TGFBR3: variants seen among roughly 807,000 people sequenced by gnomAD.
TGFBR3 encodes transforming growth factor beta receptor type 3.
TGFBR3 carries 46 observed loss-of-function variants against 87.9 expected under a neutral mutation model. That is an observed-to-expected ratio of 0.52 (90% CI 0.41 to 0.67). The LOEUF is 0.67. Among genes scored for constraint, TGFBR3 ranks in the 30% least tolerant of loss-of-function variants. The probability of loss-of-function intolerance (pLI) is 0.00; values close to 1 mark genes in which losing one functional copy is unlikely to be tolerated. For synonymous variants in TGFBR3, 381 were observed against 391.6 expected, an observed-to-expected ratio of 0.97 and a Z score of 0.32; for missense variants, 866 against 1,041.9, an observed-to-expected ratio of 0.83 and a Z score of 2.32.
chr1:91,769,604 A>T (rs1407472843), intron 3 of TGFBR3, among the ~76,000 whole-genome samples: 3 of 151,876 alleles, frequency 2.0e-5, no homozygotes, highest in Non-Finnish European at 4.4e-5. Context: ...GCCCCACATG[A>T]TTGGAGAGAA....
Position 91,683,784 on chromosome 1 carries a change from G to C in TGFBR3, c.2511C>G (p.Ile837Met). The C allele has an allele frequency of 1.2e-6, 2 of 1,605,640 alleles. No homozygotes were observed. Among genetic ancestry groups the C allele is most frequent in the Non-Finnish European group, 1.7e-6 (2 of 1,177,200 alleles). ...ASENSSAAHSIGSTQSTPCSS... is the reference protein window; with the variant it reads ...ASENSSAAHSMGSTQSTPCSS... ...AGCAAGGCGTGCTCTGCGTGCTGCC[G>C]ATGCTGTGGGCAGCACTGCTGTTTT... The change falls in exon 17 of 17, where the codon ATC becomes ATG. Residue 837 changes from isoleucine (I) to methionine (M), a missense_variant. By Grantham distance (10) the Ile-to-Met change is conservative. Coordinates refer to ENST00000212355, the MANE Select transcript of TGFBR3 (RefSeq NM_003243.5).
intron 3 of TGFBR3, 118 bp from the exon 4 acceptor site, chr1:91,758,868 G>A (rs1357622017): frequency 2.4e-6 from 3 of 1,242,386 alleles, no homozygotes; most frequent in Non-Finnish European, 3.5e-6. Flanking sequence ...AAGCTATAAT[G>A]TAGCTCAGAT....
chr1:91,741,426 C>T (rs569775780), intron 4 of TGFBR3, among the ~76,000 whole-genome samples: 14 of 152,316 alleles, frequency 9.2e-5, no homozygotes, highest in African/African-American at 3.1e-4. Flanking sequence ...CACCAACCAG[C>T]AGCTCTCCAA....
chr1:91,754,116 A>G (rs1673653753), intron 4 of TGFBR3, among the ~76,000 whole-genome samples: 1 of 152,156 alleles, frequency 6.6e-6, no homozygotes. Flanking sequence ...GATATTGAGC[A>G]TCTTTTCATG....
intron 3 of TGFBR3, chr1:91,783,309 T>C (rs1235631705): frequency 6.6e-6 from 1 of 152,212 alleles, no homozygotes; most frequent in African/African-American, 2.4e-5. Flanking sequence ...CAAAGCATTA[T>C]TGTAGGGTGC....
intron 2 of TGFBR3, among the ~76,000 whole-genome samples, chr1:91,818,258 C>T (rs995518097): frequency 8.1e-6 from 1 of 123,484 alleles, no homozygotes; most frequent in African/African-American, 3.1e-5. Flanking sequence ...GCAACTGCAC[C>T]ATTTCCCCTT....
intron 4 of TGFBR3, among the ~76,000 whole-genome samples, chr1:91,737,057 G>T (rs968750522): frequency 6.6e-6 from 1 of 152,212 alleles, no homozygotes; most frequent in Non-Finnish European, 1.5e-5. Context: ...TGGTGATGGG[G>T]CTGATTCGTG....
chr1:91,705,398 G>T lies in TGFBR3; in HGVS notation c.2287+3265C>A, dbSNP rs1671767459. Among the ~76,000 whole-genome samples, 2 of 150,868 alleles carry T rather than the reference G, an allele frequency of 1.3e-5. 1 individual carries two copies. The highest frequency in any genetic ancestry group is 4.2e-4 in the South Asian group (2 of 4,770). The stretch of plus-strand genomic sequence containing the variant: ...GCCATGACGCCTGGCTAATTTTTTT[G>T]GTTTTTTTTTTAGGTAGAGACAGGG... On this transcript the variant is annotated intron_variant, in intron 14 of 16. Coordinates refer to ENST00000212355, the MANE Select transcript of TGFBR3 (RefSeq NM_003243.5).
intron 2 of TGFBR3, among the ~76,000 whole-genome samples, chr1:91,800,670 C>T (rs936780317): frequency 6.6e-6 from 1 of 151,070 alleles, no homozygotes; most frequent in Non-Finnish European, 1.5e-5. Flanking sequence ...AAAGCTACAA[C>T]ATATGATTAA....
chr1:91,832,107 A>G (rs985318041), intron 2 of TGFBR3, among the ~76,000 whole-genome samples: 29 of 152,280 alleles, frequency 1.9e-4, no homozygotes, highest in Middle Eastern at 3.4e-3. Context: ...TTAAAATTCC[A>G]CGTAAAGGTA....
intron 16 of TGFBR3, among the ~76,000 whole-genome samples, chr1:91,692,453 T>A (rs934353584): frequency 1.3e-5 from 2 of 152,172 alleles, no homozygotes; most frequent in Admixed American, 1.3e-4. Flanking sequence ...TGTACTACTT[T>A]GATGAAGCTA....
intron 13 of TGFBR3, among the ~76,000 whole-genome samples, chr1:91,709,562 G>A (rs1671910274): frequency 6.6e-6 from 1 of 152,112 alleles, no homozygotes; most frequent in Non-Finnish European, 1.5e-5. Context: ...AAACTTTCCA[G>A]GGTCATCTGC....
At chr1:91,764,335 A>AC (rs1415872781) in intron 3 of TGFBR3, among the ~76,000 whole-genome samples, 2 of 150,244 alleles carry the variant, frequency 1.3e-5, no homozygotes, top group East Asian at 3.9e-4. Flanking sequence ...AAAAAAAAAA[A>AC]AAAACCTAAA....
At chr1:91,813,376 A>G (rs1041118841) in intron 2 of TGFBR3, among the ~76,000 whole-genome samples, 1 of 152,188 alleles carries the variant, frequency 6.6e-6, no homozygotes, top group African/African-American at 2.4e-5. Context: ...GTTCTAAGAG[A>G]AAAAAACAAA....
intron 2 of TGFBR3, among the ~76,000 whole-genome samples, chr1:91,893,688 G>GT (rs149619572): frequency 0.099 from 14,641 of 147,566 alleles, 748 homozygotes; most frequent in African/African-American, 0.15. Flanking sequence ...CTTTTATCCT[G>GT]TTTTTTTTTT....
rs1289527660 is a variant in TGFBR3, at chr1:91,708,568, C to T, written c.2287+95G>A. The T allele has an allele frequency of 1.1e-5, 17 of 1,594,602 alleles. 1 individual carries two copies. Among genetic ancestry groups the T allele is most frequent in the Admixed American group, 8.4e-5 (5 of 59,850 alleles). On this transcript the variant is annotated intron_variant, in intron 14 of 16. Coordinates refer to ENST00000212355, the MANE Select transcript of TGFBR3 (RefSeq NM_003243.5). Reference sequence around the variant, plus strand: ...AGTAACTAACTGGCCCTTTAGTTATCTTGTGAATAAAGCTGGACTTTGATT... The same window carrying T: ...AGTAACTAACTGGCCCTTTAGTTATTTTGTGAATAAAGCTGGACTTTGATT...
At chr1:91,719,847 G>C in intron 9 of TGFBR3, 46 bp downstream of exon 9, 1 of 1,595,696 alleles carries the variant, frequency 6.3e-7, no homozygotes, top group Non-Finnish European at 8.6e-7. Flanking sequence ...GGGCCAGATG[G>C]GAAAGGAGGT....
At chr1:91,886,781 T>C (rs1398014916), upstream of TGFBR3, among the ~76,000 whole-genome samples, 3 of 152,074 alleles carry the variant, frequency 2.0e-5, no homozygotes, top group African/African-American at 7.2e-5. Context: ...TGAGACTGCA[T>C]TACCCAGCCG....
chr1:91,683,898 A>C (rs527339701), intron 16 of TGFBR3, 41 bp from the exon 17 acceptor site: 2 of 1,504,372 alleles, frequency 1.3e-6, no homozygotes, highest in African/African-American at 2.8e-5. Flanking sequence ...AGAAAGACGC[A>C]TATTATGTAT....
Sources: gnomAD v4.1 joint callset for allele counts (sites outside exome capture counted in the v4.1 genomes callset) on GRCh38, gnomAD v4.1.1 for gene constraint, MANE v1.5 for transcripts, NCBI Gene and HGNC (gene_info 2026-07-23, HGNC 2026-07-21) for gene names.